The following S100A10 variants were observed in gnomAD, a reference collection of about 807,000 sequenced individuals.
S100A10 encodes the protein protein S100-A10.
S100A10 carries 3 observed loss-of-function variants against 7.1 expected under a neutral mutation model. The observed-to-expected ratio is 0.42, with a 90% CI of 0.19 to 1.10. The LOEUF is 1.10. S100A10 is among the 50% of genes least tolerant of loss of function. S100A10 has a pLI of 0.29. For synonymous variants in S100A10, 41 were observed against 39.3 expected (o/e 1.04, Z -0.16); for missense variants, 101 against 118.1 (o/e 0.86, Z 0.67).
intron 1 of S100A10, among the ~76,000 whole-genome samples, chr1:151,988,446 T>C (rs1230131231): frequency 6.6e-6 from 1 of 152,256 alleles, no homozygotes; most frequent in Non-Finnish European, 1.5e-5. Flanking sequence ...GAGAGATGCC[T>C]GTTCAACACT....
Position 151,983,307 on chromosome 1 carries a change from C to A in S100A10, c.150G>T (p.Leu50=). 1 of 1,549,794 alleles carries A rather than the reference C, an allele frequency of 6.5e-7. No homozygotes were observed. Among genetic ancestry groups the A allele is most frequent in the South Asian group, 1.2e-5 (1 of 80,632 alleles). Residue 50 remains leucine (L), a synonymous_variant, in exon 3 of 3, where the codon CTG becomes CTT. Transcript: ENST00000368811. ...GGTCCTTCATTATTTTGTCCACAGC[C>A]AGAGGGTCTTTTTGATTCTGAAAAA... ...PGFLENQKDP[L]AVDKIMKDLD...
chr1:151,987,687 C>G (rs1655822920), intron 1 of S100A10, among the ~76,000 whole-genome samples: 1 of 151,412 alleles, frequency 6.6e-6, no homozygotes, highest in Non-Finnish European at 1.5e-5. Context: ...CTACAGGTGC[C>G]CGCCACCGCG....
rs200150671 is a variant in S100A10 at position 151,993,455 on chromosome 1, G to A, written c.-22+297C>T. ...GGGAGTAAAGCAACGCAAACATAAA[G>A]GGAGGAGGGAAGAGGTTCAGGCGCA... is the stretch of plus-strand genomic sequence containing the variant. On this transcript the variant is annotated intron_variant, in intron 1 of 2. Coordinates refer to ENST00000368811, the MANE Select transcript of S100A10 (RefSeq NM_002966.3). This position sits in a 1 kb window ranked among gnomAD's most constrained non-coding sequence, Gnocchi z 5.1. Among the ~76,000 whole-genome samples the A allele has an allele frequency of 1.7e-3, 256 of 152,320 alleles. 3 individuals carry two copies. Among genetic ancestry groups the A allele is most frequent in the Non-Finnish European group, 2.3e-3 (156 of 68,024 alleles).
At chr1:151,989,242 C>T (rs1258826319) in intron 1 of S100A10, among the ~76,000 whole-genome samples, 3 of 152,098 alleles carry the variant, frequency 2.0e-5, no homozygotes, top group African/African-American at 4.8e-5. Context: ...GTCACTCAGT[C>T]GCATGCCTCT....
intron 1 of S100A10, among the ~76,000 whole-genome samples, chr1:151,987,613 C>T (rs1425861732): frequency 6.9e-6 from 1 of 145,870 alleles, no homozygotes; most frequent in Non-Finnish European, 1.5e-5. Flanking sequence ...CATCTCGGCT[C>T]GCTGCAAGCT....
At chr1:151,989,500 T>G (rs1655861349) in intron 1 of S100A10, among the ~76,000 whole-genome samples, 1 of 152,166 alleles carries the variant, frequency 6.6e-6, no homozygotes, top group African/African-American at 2.4e-5. Context: ...CAGCAACCAG[T>G]ACCCCAAAGG....
chr1:151,993,349 A>G lies in S100A10; in HGVS notation c.-22+403T>C, dbSNP rs1489090415. ...CAGACCCGGCCTGCGAGCGGAACCC[A>G]CCAAGAAACACGCCAGCCAGGGCAG... On this transcript the variant is annotated intron_variant, in intron 1 of 2. Coordinates refer to ENST00000368811, the MANE Select transcript of S100A10 (RefSeq NM_002966.3). The surrounding 1 kb of genome is among the most constrained non-coding windows in gnomAD (Gnocchi z 5.1). 1.3e-5 allele frequency among the ~76,000 whole-genome samples: 2 copies of G among 152,164 alleles called. No individual in the cohort carries two copies. The highest frequency in any genetic ancestry group is 1.3e-4 in the Admixed American group (2 of 15,282).
At position 151,983,249 on chromosome 1, in the gene S100A10, G is replaced by A; in HGVS notation, c.208C>T (p.Gln70Ter). ...CCCGCAATTAGGGAAAAGAAGCTCT[G>A]GAAGCCCACTTTGCCATCTCTACAC... ...DQCRDGKVGF[Q>*]SFFSLIAGLT... The change falls in exon 3 of 3, where the codon CAG becomes TAG. Residue 70 changes from glutamine to a stop codon, truncating the protein, a stop_gained. Coordinates refer to ENST00000368811, the MANE Select transcript of S100A10 (RefSeq NM_002966.3). LOFTEE classifies it high-confidence loss of function. The A allele has an allele frequency of 6.2e-7, 1 of 1,607,150 alleles. No individual in the cohort carries two copies. The highest frequency in any genetic ancestry group is 2.2e-5 in the East Asian group (1 of 44,470).
chr1:151,989,678 T>G (rs914782052), intron 1 of S100A10, among the ~76,000 whole-genome samples: 3 of 152,250 alleles, frequency 2.0e-5, no homozygotes, highest in Non-Finnish European at 4.4e-5. Flanking sequence ...GTTGCCCAAC[T>G]GAGTCAGCCC....
intron 1 of S100A10, among the ~76,000 whole-genome samples, chr1:151,988,378 C>A (rs1043969962): frequency 2.0e-5 from 3 of 152,154 alleles, no homozygotes; most frequent in Admixed American, 6.5e-5. Flanking sequence ...TGGCAAATTC[C>A]TCTGCTGAAG....
intron 1 of S100A10, among the ~76,000 whole-genome samples, chr1:151,990,871 C>T (rs1026987703): frequency 4.6e-5 from 7 of 152,172 alleles, no homozygotes; most frequent in Non-Finnish European, 8.8e-5. Flanking sequence ...CTCATAGAGC[C>T]TGCTCGATGA....
chr1:151,985,036 A>T (rs566457543), intron 2 of S100A10: 1 of 152,652 alleles, frequency 6.6e-6, no homozygotes, highest in South Asian at 2.1e-4. Context: ...TGTTTATTTA[A>T]CTGATATTGA....
At chr1:151,986,279 C>A in intron 1 of S100A10, 28 bp from the exon 2 acceptor site, 1 of 1,498,594 alleles carries the variant, frequency 6.7e-7, no homozygotes, top group South Asian at 1.3e-5. Context: ...GTAACAGGGT[C>A]TACATTAACT....
chr1:151,985,421 T>C, intron 2 of S100A10: 1 of 152,228 alleles, frequency 6.6e-6, no homozygotes, highest in East Asian at 1.9e-4. Context: ...CTTATAGGTC[T>C]TCATGCATCT....
rs1228004892 is a variant in S100A10 at position 151,993,796 on chromosome 1, A to C, written c.-66T>G. The C allele has an allele frequency of 1.3e-5, 2 of 153,760 alleles. No individual in the cohort carries two copies. The highest frequency in any genetic ancestry group is 2.4e-5 in the African/African-American group (1 of 41,272). The allele number at this position is 153,760 out of a possible 1,614,324, so 9.5% of individuals were successfully genotyped here. On this transcript the variant is annotated 5_prime_UTR_variant, in exon 1 of 3. Transcript: ENST00000368811. This position sits in a 1 kb window ranked among gnomAD's most constrained non-coding sequence, Gnocchi z 5.1. Reference sequence around the variant, plus strand: ...ACGCTGGGCGAGCTGGGCGAGCTGGACGCGGGGCGGAGAGGCGAGCGCGGC... The same window carrying C: ...ACGCTGGGCGAGCTGGGCGAGCTGGCCGCGGGGCGGAGAGGCGAGCGCGGC...
intron 1 of S100A10, among the ~76,000 whole-genome samples, chr1:151,988,753 C>T (rs1655847759): frequency 6.6e-6 from 1 of 152,192 alleles, no homozygotes; most frequent in African/African-American, 2.4e-5. Context: ...TCCCCCATCC[C>T]TCATATGGGT....
At chr1:151,984,943 G>A (rs1022940878) in intron 2 of S100A10, among the ~76,000 whole-genome samples, 1 of 152,230 alleles carries the variant, frequency 6.6e-6, no homozygotes, top group African/African-American at 2.4e-5. Context: ...TACAAAAGCA[G>A]AGGACCTGCA....
At chr1:151,988,145 G>A (rs1655836229) in intron 1 of S100A10, among the ~76,000 whole-genome samples, 1 of 152,182 alleles carries the variant, frequency 6.6e-6, no homozygotes, top group Non-Finnish European at 1.5e-5. Flanking sequence ...TGAACTAGGG[G>A]TATATGTCTC....
chr1:151,989,172 T>C (rs955080924), intron 1 of S100A10, among the ~76,000 whole-genome samples: 5 of 152,148 alleles, frequency 3.3e-5, no homozygotes, highest in African/African-American at 9.7e-5. Flanking sequence ...CACCCTTGAG[T>C]ATCTTCTTCA....
Sources: gnomAD v4.1 joint callset for allele counts (sites outside exome capture counted in the v4.1 genomes callset) on GRCh38, gnomAD v4.1.1 for gene constraint, Gnocchi (gnomAD v3.1) non-coding constraint, MANE v1.5 for transcripts, NCBI Gene and HGNC (gene_info 2026-07-23, HGNC 2026-07-21) for gene names.